Variants in CACNA2D3 observed in about 807,000 individuals in gnomAD.
CACNA2D3 encodes voltage-dependent calcium channel subunit alpha-2/delta-3.
A neutral mutation model predicts 160.6 loss-of-function variants in CACNA2D3; 60 were observed. That is an observed-to-expected ratio of 0.37 (90% CI 0.30 to 0.46). CACNA2D3 has a LOEUF of 0.46. Among genes scored for constraint, CACNA2D3 ranks in the 20% least tolerant of loss-of-function variants. The probability of loss-of-function intolerance (pLI) is 1.00; values close to 1 mark genes in which losing one functional copy is unlikely to be tolerated. For missense variants in CACNA2D3, 1,205 were observed against 1,365.0 expected (o/e 0.88, Z 1.85); for synonymous variants, 558 against 492.9 (o/e 1.13, Z -1.75).
Position 54,822,836 on chromosome 3 carries a change from C to CTTTCTTTCTTTCTTTCT in CACNA2D3, c.1398+5969_1398+5985dup, listed in dbSNP as rs1703667473. On this transcript the variant is annotated intron_variant, in intron 14 of 37. Transcript: ENST00000474759. Reference sequence around the variant, plus strand: ...CTTTCTTTCTTTCTTTCTTTCTTTTCTTTCTTTCTTTCTTTCTTTCTTTCT... The same window carrying CTTTCTTTCTTTCTTTCT: ...CTTTCTTTCTTTCTTTCTTTCTTTTCTTTCTTTCTTTCTTTCTTTTCTTTCTTTCTTTCTTTCTTTCT... Among the ~76,000 whole-genome samples, 66 of 82,890 alleles carry CTTTCTTTCTTTCTTTCT rather than the reference C, an allele frequency of 8.0e-4. 3 individuals carry two copies. Among genetic ancestry groups the CTTTCTTTCTTTCTTTCT allele is most frequent in the African/African-American group, 3.3e-3 (58 of 17,684 alleles). 54.4% of individuals were successfully genotyped at this position (82,890 alleles called of 152,430 possible).
chr3:54,341,818 G>A (rs1412322824), intron 3 of CACNA2D3, among the ~76,000 whole-genome samples: 1 of 152,168 alleles, frequency 6.6e-6, no homozygotes, highest in Non-Finnish European at 1.5e-5. Context: ...AAGCTAGAGT[G>A]CGGTTTTTTT....
chr3:54,401,310 A>C (rs1699459486), intron 4 of CACNA2D3, among the ~76,000 whole-genome samples: 1 of 152,248 alleles, frequency 6.6e-6, no homozygotes, highest in African/African-American at 2.4e-5. Flanking sequence ...GGACAGAGGT[A>C]GGAAGAGGAA....
intron 11 of CACNA2D3, among the ~76,000 whole-genome samples, chr3:54,673,708 T>G (rs1189618132): frequency 6.6e-6 from 1 of 152,230 alleles, no homozygotes; most frequent in Non-Finnish European, 1.5e-5. Context: ...ACATTAATCC[T>G]TAACATCTAT....
At chr3:54,631,842 A>G (rs1052657916) in intron 10 of CACNA2D3, among the ~76,000 whole-genome samples, 3 of 152,230 alleles carry the variant, frequency 2.0e-5, no homozygotes, top group Non-Finnish European at 4.4e-5. Context: ...GACAACTGCA[A>G]TTATCATTTT....
At chr3:54,138,242 A>G (rs1336391196) in intron 2 of CACNA2D3, among the ~76,000 whole-genome samples, 1 of 152,222 alleles carries the variant, frequency 6.6e-6, no homozygotes, top group Non-Finnish European at 1.5e-5. Context: ...CTTTGCCAGC[A>G]GCCACTTTAG....
chr3:54,301,788 G>A (rs1458283146), intron 2 of CACNA2D3, among the ~76,000 whole-genome samples: 2 of 152,216 alleles, frequency 1.3e-5, no homozygotes, highest in East Asian at 3.9e-4. Flanking sequence ...GAGGGAGGAG[G>A]AAGAGAGTAG....
intron 4 of CACNA2D3, among the ~76,000 whole-genome samples, chr3:54,390,963 C>T (rs927690394): frequency 6.6e-6 from 1 of 151,876 alleles, no homozygotes; most frequent in African/African-American, 2.4e-5. Context: ...ACCCTATTAG[C>T]TCAGGAGGAG....
intron 35 of CACNA2D3, among the ~76,000 whole-genome samples, chr3:55,063,328 A>C (rs1380234372): frequency 6.6e-6 from 1 of 152,078 alleles, no homozygotes. Flanking sequence ...CTTAAGAAGC[A>C]CAATTCTAGA....
At chr3:54,305,979 A>T (rs1261850604) in intron 2 of CACNA2D3, among the ~76,000 whole-genome samples, 1 of 151,838 alleles carries the variant, frequency 6.6e-6, no homozygotes, top group Non-Finnish European at 1.5e-5. Context: ...ACTAGATCTC[A>T]TTGTTTAATG....
intron 11 of CACNA2D3, among the ~76,000 whole-genome samples, chr3:54,741,814 AT>A (rs199625012): frequency 9.9e-5 from 15 of 151,500 alleles, no homozygotes; most frequent in South Asian, 2.1e-4. Flanking sequence ...CCTTGTTCCT[AT>A]TTTTTTAGGA....
chr3:54,475,582 C>T (rs888055400), intron 4 of CACNA2D3, among the ~76,000 whole-genome samples: 5 of 151,976 alleles, frequency 3.3e-5, no homozygotes, highest in African/African-American at 9.7e-5. Flanking sequence ...GCTGAAGTTC[C>T]CTTCCCCCAA....
intron 2 of CACNA2D3, among the ~76,000 whole-genome samples, chr3:54,267,884 T>C (rs1702550001): frequency 2.0e-5 from 3 of 152,202 alleles, no homozygotes; most frequent in Admixed American, 6.5e-5. Flanking sequence ...TATAATGATT[T>C]TGGGGCTTAA....
At chr3:54,237,622 T>C (rs1701907728) in intron 2 of CACNA2D3, among the ~76,000 whole-genome samples, 1 of 152,172 alleles carries the variant, frequency 6.6e-6, no homozygotes, top group South Asian at 2.1e-4. Flanking sequence ...CAAGACTTCA[T>C]TTAATGTGCT....
intron 5 of CACNA2D3, among the ~76,000 whole-genome samples, chr3:54,545,109 A>G (rs1032574179): frequency 1.3e-5 from 2 of 152,234 alleles, no homozygotes; most frequent in African/African-American, 2.4e-5. Context: ...CAAACTAACA[A>G]ACTGATAAAA....
At position 54,240,515 on chromosome 3, in the gene CACNA2D3, C is replaced by T. The variant is rs1349991416; in HGVS notation, c.205-79927C>T. Among the ~76,000 whole-genome samples, 7 of 152,036 alleles carry T rather than the reference C, an allele frequency of 4.6e-5. No individual in the cohort carries two copies. The East Asian group carries it at 1.2e-3, about 25-fold the overall frequency. ...GCACCTACTCGGAATGCTAATTAGG[C>T]GAAGTAAAAGGGATGTGGATCAGCA... On this transcript the variant is annotated intron_variant, in intron 2 of 37. Coordinates refer to ENST00000474759, the MANE Select transcript of CACNA2D3 (RefSeq NM_018398.3).
chr3:54,198,724 C>A (rs991120184), intron 2 of CACNA2D3, among the ~76,000 whole-genome samples: 1 of 152,370 alleles, frequency 6.6e-6, no homozygotes, highest in South Asian at 2.1e-4. Flanking sequence ...CCTCAGGCCC[C>A]GGGGGGTTAC....
At chr3:54,801,255 T>G (rs1017368803) in intron 13 of CACNA2D3, among the ~76,000 whole-genome samples, 1 of 152,174 alleles carries the variant, frequency 6.6e-6, no homozygotes, top group Admixed American at 6.5e-5. Flanking sequence ...CCCAAAGTGC[T>G]GGGATTACAG....
intron 11 of CACNA2D3, among the ~76,000 whole-genome samples, chr3:54,687,146 T>C (rs1040525980): frequency 2.6e-5 from 2 of 76,820 alleles, no homozygotes; most frequent in Admixed American, 1.2e-4. Flanking sequence ...TTTTTTTTTT[T>C]TTTTGTTTTT....
At chr3:54,412,541 G>T (rs1699685071) in intron 4 of CACNA2D3, among the ~76,000 whole-genome samples, 2 of 147,860 alleles carry the variant, frequency 1.4e-5, no homozygotes, top group African/African-American at 4.9e-5. Context: ...TTTTGCAGCA[G>T]TAGCTTTTAT....
Sources: allele counts gnomAD v4.1 joint callset (sites outside exome capture counted in the v4.1 genomes callset), GRCh38; gene constraint gnomAD v4.1.1; transcripts MANE v1.5; gene names NCBI Gene and HGNC (gene_info 2026-07-23, HGNC 2026-07-21).